FABP12: variants seen among roughly 807,000 people sequenced by gnomAD.
FABP12 encodes fatty acid binding protein 12, also known as fatty acid-binding protein 12.
FABP12 carries 19 observed loss-of-function variants against 13.7 expected under a neutral mutation model. The ratio of observed to expected loss-of-function variants is 1.39; its 90% CI spans 0.97 to 2.04. The LOEUF is 2.04. FABP12 is among the 30% of genes most tolerant of loss of function. FABP12 has a pLI of 0.00. For synonymous variants in FABP12, 61 were observed against 57.0 expected (o/e 1.07, Z -0.32); for missense variants, 182 against 164.2 (o/e 1.11, Z -0.59).
intron 2 of FABP12, among the ~76,000 whole-genome samples, chr8:81,530,007 G>T (rs751115131): frequency 6.6e-6 from 1 of 152,060 alleles, no homozygotes; most frequent in Non-Finnish European, 1.5e-5. Context: ...ACTTTGGTAT[G>T]GATTTTGCCA....
chr8:81,582,117 A>AT (rs1563559505), intron 1 of FABP12, among the ~76,000 whole-genome samples: 14 of 68,706 alleles, frequency 2.0e-4, no homozygotes, highest in African/African-American at 7.5e-4. Flanking sequence ...GGCTAACTGG[A>AT]ATTTTTTTTT....
At chr8:81,550,168 A>G (rs1206388894) in intron 1 of FABP12, among the ~76,000 whole-genome samples, 1 of 152,202 alleles carries the variant, frequency 6.6e-6, no homozygotes, top group East Asian at 1.9e-4. Context: ...AGAAATATGT[A>G]TTGGGTACCT....
rs1167487132 is a variant in FABP12, at chr8:81,541,910, TAAAAAAAAAAAA to T, written c.-184-2179_-184-2168del. 3.5e-3 allele frequency among the ~76,000 whole-genome samples: 248 copies of T among 71,164 alleles called. 1 individual carries two copies. The highest frequency in any genetic ancestry group is 8.3e-3 in the African/African-American group (158 of 19,106). 46.7% of individuals were successfully genotyped at this position (71,164 alleles called of 152,430 possible). ...CTGGACTTCCAGGAGTCCCAGGGTT[TAAAAAAAAAAAA>T]AAAAAAAAAAAAAAAAAAAGACAAA... On this transcript the variant is annotated intron_variant, in intron 1 of 5. Coordinates refer to the FABP12 transcript ENST00000692030.
chr8:81,542,617 G>A (rs902571491), intron 1 of FABP12, among the ~76,000 whole-genome samples: 17 of 152,184 alleles, frequency 1.1e-4, no homozygotes, highest in African/African-American at 3.4e-4. Flanking sequence ...GTGAGGGATA[G>A]GTCATGGATA....
At chr8:81,542,693 T>A (rs1396652308) in intron 1 of FABP12, among the ~76,000 whole-genome samples, 2 of 152,176 alleles carry the variant, frequency 1.3e-5, no homozygotes, top group Non-Finnish European at 2.9e-5. Context: ...AGACAAGCCA[T>A]TGGGTCACTA....
intron 1 of FABP12, among the ~76,000 whole-genome samples, chr8:81,556,772 AATT>A (rs1357985229): frequency 6.8e-6 from 1 of 147,772 alleles, no homozygotes; most frequent in Non-Finnish European, 1.5e-5. Context: ...TTTATATATA[AATT>A]ATTATTTTAT....
upstream of FABP12, among the ~76,000 whole-genome samples, chr8:81,536,396 C>A (rs939509425): frequency 5.3e-5 from 8 of 152,202 alleles, no homozygotes; most frequent in Admixed American, 3.3e-4. Context: ...AAAGCCCCAG[C>A]AGGCAAGATT....
At chr8:81,558,522 G>A (rs543036381) in intron 1 of FABP12, among the ~76,000 whole-genome samples, 2 of 152,260 alleles carry the variant, frequency 1.3e-5, no homozygotes, top group South Asian at 2.1e-4. Flanking sequence ...CCACGTGAAG[G>A]CAGCCATGGC....
intron 1 of FABP12, among the ~76,000 whole-genome samples, chr8:81,540,395 C>A (rs1437310885): frequency 6.6e-6 from 1 of 152,200 alleles, no homozygotes; most frequent in Non-Finnish European, 1.5e-5. Context: ...AGTTTAATAT[C>A]CCCAGTGTAA....
rs914794023 is a variant in FABP12, at chr8:81,531,182, G to A, written c.73+61C>T. On this transcript the variant is annotated intron_variant, in intron 2 of 4. Coordinates refer to ENST00000360464, the Ensembl canonical transcript of FABP12. ...ATTAATATTATTTTATACAGAGCAA[G>A]TTCTGTGCTATCAAAATGCCCATTT... is the stretch of plus-strand genomic sequence containing the variant. 4 of 1,113,310 alleles carry A rather than the reference G, an allele frequency of 3.6e-6. No homozygotes were observed. In the African/African-American group the frequency reaches 6.1e-5, roughly 17 times the overall value. The allele number at this position is 1,113,310 out of a possible 1,614,324, so 69.0% of individuals were successfully genotyped here. A position where few individuals can be genotyped will look rare whatever the true frequency, so the allele number is the denominator to read the frequency against.
intron 1 of FABP12, among the ~76,000 whole-genome samples, chr8:81,545,321 G>A (rs747168564): frequency 5.3e-5 from 8 of 152,160 alleles, no homozygotes; most frequent in Non-Finnish European, 8.8e-5. Flanking sequence ...GGGAAACAAG[G>A]GGATTTTTTC....
At chr8:81,542,433 G>C (rs1809366497) in intron 1 of FABP12, among the ~76,000 whole-genome samples, 1 of 152,108 alleles carries the variant, frequency 6.6e-6, no homozygotes, top group Non-Finnish European at 1.5e-5. Flanking sequence ...GATTTTTAAG[G>C]GAACAGGAAG....
chr8:81,527,115 CT>C lies in FABP12; in HGVS notation c.252del (p.Val85Ter). The C allele has an allele frequency of 6.3e-7, 1 of 1,593,436 alleles. No homozygotes were observed. The highest frequency in any genetic ancestry group is 8.6e-7 in the Non-Finnish European group (1 of 1,167,734). ...ATCAGGGACTCCTTATCTAAGGTTA[CT>C]TTACTCTGAAAAACAGAAAAAACTA... On this transcript the variant is annotated frameshift_variant, in exon 4 of 5. Transcript: ENST00000360464. LOFTEE classifies it high-confidence loss of function.
intron 1 of FABP12, among the ~76,000 whole-genome samples, chr8:81,551,653 C>T (rs381098): frequency 0.057 from 8,638 of 152,024 alleles, 299 homozygotes; most frequent in Middle Eastern, 0.12. Context: ...GACACTTAAA[C>T]CAAAACAAAA....
At chr8:81,545,217 C>T (rs1435721670) in intron 1 of FABP12, among the ~76,000 whole-genome samples, 1 of 152,154 alleles carries the variant, frequency 6.6e-6, no homozygotes, top group African/African-American at 2.4e-5. Flanking sequence ...CATAAGTGAA[C>T]AAGAAGTTGT....
intron 1 of FABP12, among the ~76,000 whole-genome samples, chr8:81,555,816 T>G (rs554225461): frequency 3.3e-5 from 5 of 152,314 alleles, no homozygotes; most frequent in Middle Eastern, 3.4e-3. Flanking sequence ...GAAAATAATT[T>G]TATACCTAGA....
At chr8:81,578,666 A>G (rs1417275901) in intron 1 of FABP12, among the ~76,000 whole-genome samples, 1 of 147,548 alleles carries the variant, frequency 6.8e-6, no homozygotes, top group Non-Finnish European at 1.5e-5. Context: ...TTGTAGTTTT[A>G]GTAGAGATGG....
intron 2 of FABP12, 38 bp downstream of exon 2, chr8:81,531,204 AT>A: frequency 1.4e-6 from 2 of 1,458,860 alleles, no homozygotes; most frequent in South Asian, 1.2e-5. Context: ...CAAAATGCCC[AT>A]TTTTACTGGA....
intron 1 of FABP12, among the ~76,000 whole-genome samples, chr8:81,541,182 A>G (rs964881889): frequency 6.6e-6 from 1 of 151,474 alleles, no homozygotes; most frequent in East Asian, 1.9e-4. Flanking sequence ...AAAAAAAAAA[A>G]TCAACAAATA....
Sources: gnomAD v4.1 joint callset for allele counts (sites outside exome capture counted in the v4.1 genomes callset) on GRCh38, gnomAD v4.1.1 for gene constraint, MANE v1.5 for transcripts, NCBI Gene and HGNC (gene_info 2026-07-23, HGNC 2026-07-21) for gene names.